The following PPARGC1A variants were observed in gnomAD, a reference collection of about 807,000 sequenced individuals.
The protein encoded by PPARGC1A is peroxisome proliferator-activated receptor gamma coactivator 1-alpha.
Under a neutral mutation model 88.7 loss-of-function variants are expected in PPARGC1A, and 25 were observed. That is an observed-to-expected ratio of 0.28 (90% CI 0.21 to 0.39). PPARGC1A has a LOEUF of 0.39. Among genes scored for constraint, PPARGC1A ranks in the 10% least tolerant of loss-of-function variants. The probability of loss-of-function intolerance (pLI) is 1.00; values close to 1 mark genes in which losing one functional copy is unlikely to be tolerated. For missense variants in PPARGC1A, 880 were observed against 968.7 expected (o/e 0.91, Z 1.22); for synonymous variants, 363 against 355.6 (o/e 1.02, Z -0.24).
chr4:24,427,544 T>G, the PPARGC1A span, among the ~76,000 whole-genome samples: 2 of 152,082 alleles, frequency 1.3e-5, no homozygotes, highest in East Asian at 3.9e-4. Context: ...ATCCAGTTTG[T>G]TTTTTCAGGT....
chr4:23,941,998 C>T, the PPARGC1A span, among the ~76,000 whole-genome samples: 1 of 152,050 alleles, frequency 6.6e-6, no homozygotes, highest in African/African-American at 2.4e-5. Context: ...ACTGGATAGG[C>T]TTTAGCTCTT....
intron 10 of PPARGC1A, among the ~76,000 whole-genome samples, chr4:23,806,003 A>G (rs562288228): frequency 6.6e-6 from 1 of 152,304 alleles, no homozygotes; most frequent in South Asian, 2.1e-4. Context: ...AATATAAACC[A>G]GAGGACCTTT....
At chr4:24,009,199 A>C in the PPARGC1A span, among the ~76,000 whole-genome samples, 1 of 150,006 alleles carries the variant, frequency 6.7e-6, no homozygotes, top group Non-Finnish European at 1.5e-5. Context: ...ATTTTATATC[A>C]ATTTTACATA....
At chr4:24,402,612 C>T in the PPARGC1A span, among the ~76,000 whole-genome samples, 1 of 152,300 alleles carries the variant, frequency 6.6e-6, no homozygotes, top group South Asian at 2.1e-4. Flanking sequence ...CACAGTTTGT[C>T]CTAAGACAGT....
chr4:24,074,816 C>G, the PPARGC1A span, among the ~76,000 whole-genome samples: 102 of 152,294 alleles, frequency 6.7e-4, no homozygotes, highest in African/African-American at 2.3e-3. Context: ...TAACTCTGCA[C>G]AGAGAGAGAT....
At chr4:23,957,790 G>A in the PPARGC1A span, among the ~76,000 whole-genome samples, 2 of 152,052 alleles carry the variant, frequency 1.3e-5, no homozygotes, top group South Asian at 2.1e-4. Flanking sequence ...CACATAACAA[G>A]CATAGTTATT....
At chr4:24,011,051 A>T in the PPARGC1A span, among the ~76,000 whole-genome samples, 6 of 152,208 alleles carry the variant, frequency 3.9e-5, no homozygotes, top group Non-Finnish European at 8.8e-5. Flanking sequence ...TTAGTAGCAG[A>T]AATAGGACCT....
chr4:24,453,712 G>A, the PPARGC1A span, among the ~76,000 whole-genome samples: 11 of 152,166 alleles, frequency 7.2e-5, no homozygotes, highest in African/African-American at 2.6e-4. Context: ...CCTGGGAGGT[G>A]AAGGTTGCAG....
chr4:24,273,519 G>A, the PPARGC1A span, among the ~76,000 whole-genome samples: 1 of 152,124 alleles, frequency 6.6e-6, no homozygotes, highest in Non-Finnish European at 1.5e-5. Flanking sequence ...TCAGAACCAA[G>A]TGGAACTTTA....
rs1721492450 is a variant in PPARGC1A at position 23,814,187 on chromosome 4, G to A, written c.1296C>T (p.Cys432=). The A allele has an allele frequency of 1.2e-6, 2 of 1,613,984 alleles. No individual in the cohort carries two copies. Among genetic ancestry groups the A allele is most frequent in the Admixed American group, 1.7e-5 (1 of 59,990 alleles). The change falls in exon 8 of 13, where the codon TGC becomes TGT. Residue 432 remains cysteine (C), a synonymous_variant. Transcript: ENST00000264867. The part of the protein sequence containing the change: ...QICSSTDSDQ[C]YLRETLEASK... ...TTGCCTCCAAAGTCTCTCTCAGGTA[G>A]CACTGGTCTGAATCTGTGGAAGAAC... is the stretch of plus-strand genomic sequence containing the variant.
the PPARGC1A span, among the ~76,000 whole-genome samples, chr4:24,048,549 A>G: frequency 1.6e-4 from 24 of 152,144 alleles, no homozygotes; most frequent in Non-Finnish European, 3.4e-4. Flanking sequence ...AATGTAAGAA[A>G]CTATAAATCA....
the PPARGC1A span, among the ~76,000 whole-genome samples, chr4:24,208,933 T>G: frequency 6.6e-6 from 1 of 152,092 alleles, no homozygotes; most frequent in Non-Finnish European, 1.5e-5. Flanking sequence ...TAGAGGGAAT[T>G]GTTCAAAGGT....
At chr4:23,866,752 T>C (rs1250634136) in intron 2 of PPARGC1A, among the ~76,000 whole-genome samples, 2 of 152,204 alleles carry the variant, frequency 1.3e-5, no homozygotes, top group African/African-American at 4.8e-5. Context: ...CGTTTCCATT[T>C]TGGGTCATTT....
chr4:24,077,813 C>T, the PPARGC1A span, among the ~76,000 whole-genome samples: 2 of 151,908 alleles, frequency 1.3e-5, no homozygotes, highest in African/African-American at 4.8e-5. Flanking sequence ...TTCTGAAACT[C>T]CTGTGGATTT....
chr4:24,258,850 C>T, the PPARGC1A span, among the ~76,000 whole-genome samples: 1 of 152,166 alleles, frequency 6.6e-6, no homozygotes, highest in African/African-American at 2.4e-5. Flanking sequence ...CACTCTCAGA[C>T]CATTTATTCA....
the PPARGC1A span, among the ~76,000 whole-genome samples, chr4:23,913,263 TATATAGAGAGAGAGAG>T: frequency 7.7e-3 from 434 of 56,040 alleles, 3 homozygotes; most frequent in African/African-American, 0.03. Context: ...TATATATATA[TATATAGAGAGAGAGAG>T]AGAGAGAGAG....
At chr4:24,309,206 C>CA in the PPARGC1A span, among the ~76,000 whole-genome samples, 13 of 151,666 alleles carry the variant, frequency 8.6e-5, no homozygotes, top group South Asian at 4.2e-4. Flanking sequence ...CACCTTGAGG[C>CA]AAAAAAACAA....
chr4:24,312,344 A>G, the PPARGC1A span, among the ~76,000 whole-genome samples: 1 of 151,164 alleles, frequency 6.6e-6, no homozygotes, highest in Non-Finnish European at 1.5e-5. Flanking sequence ...TATAATCCTC[A>G]TTTTTCATTC....
the PPARGC1A span, among the ~76,000 whole-genome samples, chr4:24,062,966 C>T: frequency 6.6e-6 from 1 of 152,218 alleles, no homozygotes; most frequent in Non-Finnish European, 1.5e-5. Context: ...TACGCCAACA[C>T]TTCTAGAATT....
Sources: allele counts gnomAD v4.1 joint callset (sites outside exome capture counted in the v4.1 genomes callset), GRCh38; gene constraint gnomAD v4.1.1; transcripts MANE v1.5; gene names NCBI Gene and HGNC (gene_info 2026-07-23, HGNC 2026-07-21).